The following RHBDD1 variants were observed in gnomAD, a reference collection of about 807,000 sequenced individuals.
RHBDD1 encodes rhomboid-related protein 4.
A neutral mutation model predicts 36.3 loss-of-function variants in RHBDD1; 38 were observed. The observed-to-expected ratio is 1.05, with a 90% CI of 0.81 to 1.37. The LOEUF is 1.37. Ranked by LOEUF, RHBDD1 falls within the 40% of genes most tolerant of loss-of-function variation. The pLI, the probability that RHBDD1 is intolerant of heterozygous loss-of-function variation, is 0.00. For synonymous variants in RHBDD1, 151 were observed against 136.5 expected (o/e 1.11, Z -0.74); for missense variants, 393 against 377.6 (o/e 1.04, Z -0.34).
chr2:226,865,706 C>G (rs897940802), intron 4 of RHBDD1, among the ~76,000 whole-genome samples: 2 of 152,192 alleles, frequency 1.3e-5, no homozygotes, highest in South Asian at 2.1e-4. Context: ...AAAGAGGCAG[C>G]CAGGTACAAA....
At chr2:226,909,579 A>T (rs1023519874) in intron 7 of RHBDD1, among the ~76,000 whole-genome samples, 4 of 152,052 alleles carry the variant, frequency 2.6e-5, no homozygotes, top group Admixed American at 6.5e-5. Flanking sequence ...TGATTTTAGT[A>T]GGGTAGGAGT....
At chr2:226,810,050 T>C in the RHBDD1 span, among the ~76,000 whole-genome samples, 5 of 152,262 alleles carry the variant, frequency 3.3e-5, no homozygotes, top group Middle Eastern at 6.8e-3. Flanking sequence ...CAAAATATAG[T>C]TGATGCTTGA....
chr2:226,840,325 A>G (rs190945836), intron 3 of RHBDD1, among the ~76,000 whole-genome samples: 3 of 152,342 alleles, frequency 2.0e-5, no homozygotes, highest in Admixed American at 6.5e-5. Context: ...GTGATGGCCA[A>G]CTAACAATGT....
intron 7 of RHBDD1, 21 bp from the exon 8 acceptor site, chr2:226,914,187 A>G: frequency 6.2e-7 from 1 of 1,612,426 alleles, no homozygotes; most frequent in Non-Finnish European, 8.5e-7. Flanking sequence ...GTGTTCTAGA[A>G]CCTTTTCCTT....
intron 8 of RHBDD1, among the ~76,000 whole-genome samples, chr2:226,963,792 C>T (rs891168911): frequency 6.6e-6 from 1 of 152,056 alleles, no homozygotes. Flanking sequence ...TGCACATTAA[C>T]CTCTCAACTA....
intron 8 of RHBDD1, among the ~76,000 whole-genome samples, chr2:226,980,040 C>T (rs1243046513): frequency 2.0e-5 from 3 of 152,092 alleles, no homozygotes; most frequent in Non-Finnish European, 4.4e-5. Flanking sequence ...TGTGACTAAC[C>T]AGAGGGATAG....
At chr2:226,894,313 G>A (rs4675111) in intron 5 of RHBDD1, among the ~76,000 whole-genome samples, 36,606 of 152,054 alleles carry the variant, frequency 0.24, 8,311 homozygotes, top group African/African-American at 0.6. Context: ...TGTGTTGCCA[G>A]GGTTGGAGTA....
Position 226,864,988 on chromosome 2 carries a change from C to T in RHBDD1, c.295C>T (p.Leu99=), listed in dbSNP as rs200430586. ...GAAAGGAATAAATCTAGAAAGAAGACTGGGAAGTAGATGGTTTGCCTATGT... is the reference window on the plus strand; with the variant it reads ...GAAAGGAATAAATCTAGAAAGAAGATTGGGAAGTAGATGGTTTGCCTATGT... ...LWKGINLERR[L]GSRWFAYVIT... The change falls in exon 4 of 9, where the codon CTG becomes TTG. Residue 99 remains leucine (L), a synonymous_variant. Transcript: ENST00000392062. 1.1e-5 allele frequency: 18 copies of T among 1,614,074 alleles called. No individual in the cohort carries two copies. The highest frequency in any genetic ancestry group is 3.3e-5 in the Admixed American group (2 of 60,006).
chr2:226,986,432 T>G (rs1348898062), intron 8 of RHBDD1, among the ~76,000 whole-genome samples: 1 of 152,172 alleles, frequency 6.6e-6, no homozygotes, highest in African/African-American at 2.4e-5. Context: ...TCTTTGCAAC[T>G]TTTACGTAAA....
chr2:226,806,909 A>G, the RHBDD1 span, among the ~76,000 whole-genome samples: 2 of 152,240 alleles, frequency 1.3e-5, no homozygotes, highest in African/African-American at 4.8e-5. Flanking sequence ...TGCACCACCA[A>G]TTGAACTCCT....
At chr2:226,850,706 G>A (rs1433575736) in intron 3 of RHBDD1, among the ~76,000 whole-genome samples, 1 of 152,128 alleles carries the variant, frequency 6.6e-6, no homozygotes, top group Non-Finnish European at 1.5e-5. Context: ...ATTTTTAAGA[G>A]GCTCTGTGCA....
chr2:226,820,479 A>C, the RHBDD1 span, among the ~76,000 whole-genome samples: 1 of 152,036 alleles, frequency 6.6e-6, no homozygotes, highest in African/African-American at 2.4e-5. Context: ...AAACACTCCA[A>C]AGAATTCCAT....
At chr2:226,812,967 G>C in the RHBDD1 span, among the ~76,000 whole-genome samples, 11 of 152,158 alleles carry the variant, frequency 7.2e-5, no homozygotes, top group Non-Finnish European at 1.5e-4. Flanking sequence ...GCAACTCTAG[G>C]AGGGAGGTGT....
intron 3 of RHBDD1, among the ~76,000 whole-genome samples, chr2:226,855,666 G>A (rs1411458860): frequency 6.6e-6 from 1 of 152,174 alleles, no homozygotes; most frequent in East Asian, 1.9e-4. Flanking sequence ...TGTATTAAAG[G>A]TCTCAGTAGG....
chr2:226,893,289 C>T (rs1474407764), intron 5 of RHBDD1, among the ~76,000 whole-genome samples: 1 of 152,178 alleles, frequency 6.6e-6, no homozygotes, highest in Non-Finnish European at 1.5e-5. Context: ...AGTCGAACTT[C>T]TCTTTCATTT....
At chr2:226,914,440 T>G (rs1188932752) in intron 8 of RHBDD1, 89 bp downstream of exon 8, 2 of 1,422,754 alleles carry the variant, frequency 1.4e-6, no homozygotes, top group South Asian at 1.4e-5. Flanking sequence ...AAATTAAATT[T>G]TAAACAGTTC....
intron 5 of RHBDD1, among the ~76,000 whole-genome samples, chr2:226,901,738 C>T (rs541218679): frequency 6.6e-6 from 1 of 152,226 alleles, no homozygotes; most frequent in African/African-American, 2.4e-5. Context: ...AACCATATAT[C>T]TAATAGGGGA....
intron 8 of RHBDD1, among the ~76,000 whole-genome samples, chr2:226,965,107 G>C (rs1952521339): frequency 6.6e-6 from 1 of 152,106 alleles, no homozygotes; most frequent in Non-Finnish European, 1.5e-5. Flanking sequence ...ATTAAGGTAA[G>C]GATCTCAAGA....
chr2:226,904,436 A>T, intron 5 of RHBDD1, among the ~76,000 whole-genome samples: 1 of 134,212 alleles, frequency 7.5e-6, no homozygotes, highest in Non-Finnish European at 1.6e-5. Flanking sequence ...GGGGTCAGGG[A>T]ACTCCTGTTT....
Sources: allele counts gnomAD v4.1 joint callset (sites outside exome capture counted in the v4.1 genomes callset), GRCh38; gene constraint gnomAD v4.1.1; transcripts MANE v1.5; gene names NCBI Gene and HGNC (gene_info 2026-07-23, HGNC 2026-07-21).